Variants in PTGER4 observed in about 807,000 individuals in gnomAD.
PTGER4 encodes the protein prostaglandin E receptor 4.
PTGER4 carries 11 observed loss-of-function variants against 33.2 expected under a neutral mutation model. The observed-to-expected ratio is 0.33, with a 90% confidence interval of 0.21 to 0.55. The LOEUF (loss-of-function observed/expected upper bound fraction) is 0.55. Among genes scored for constraint, PTGER4 ranks in the 20% least tolerant of loss-of-function variants. The pLI, the probability that PTGER4 is intolerant of heterozygous loss-of-function variation, is 0.92. For synonymous variants in PTGER4, 275 were observed against 281.5 expected, an observed-to-expected ratio of 0.98 and a Z score of 0.23; for missense variants, 481 against 650.2, an observed-to-expected ratio of 0.74 and a Z score of 2.83.
the PTGER4 span, among the ~76,000 whole-genome samples, chr5:40,705,508 C>A: frequency 6.6e-6 from 1 of 152,092 alleles, no homozygotes; most frequent in Non-Finnish European, 1.5e-5. Context: ...TTCTGCACAG[C>A]AAAAGAAACT....
the PTGER4 span, among the ~76,000 whole-genome samples, chr5:40,707,647 C>A: frequency 6.6e-6 from 1 of 152,090 alleles, no homozygotes; most frequent in Non-Finnish European, 1.5e-5. Context: ...ACAAGGATAT[C>A]CAGGAATTGA....
the PTGER4 span, among the ~76,000 whole-genome samples, chr5:40,744,472 T>C: frequency 6.3e-5 from 9 of 143,392 alleles, no homozygotes; most frequent in Admixed American, 5.8e-4. Context: ...AGAAATCTTA[T>C]CACCACTCTT....
chr5:40,701,871 C>T, the PTGER4 span, among the ~76,000 whole-genome samples: 1 of 152,100 alleles, frequency 6.6e-6, no homozygotes, highest in Non-Finnish European at 1.5e-5. Context: ...GATTGGGGGC[C>T]TATGTTCAAC....
At chr5:40,725,678 C>CT in the PTGER4 span, among the ~76,000 whole-genome samples, 1 of 151,942 alleles carries the variant, frequency 6.6e-6, no homozygotes, top group African/African-American at 2.4e-5. Context: ...TCCCAGTCTC[C>CT]TTCCCTCTCT....
chr5:40,716,340 T>C, the PTGER4 span: 1 of 1,614,212 alleles, frequency 6.2e-7, no homozygotes, highest in Non-Finnish European at 8.5e-7. Context: ...GAATTGACTT[T>C]GGTGAAAAGT....
chr5:40,745,493 A>G, the PTGER4 span, among the ~76,000 whole-genome samples: 1 of 151,864 alleles, frequency 6.6e-6, no homozygotes. Flanking sequence ...AGAATTGTTG[A>G]GTCTAGATAG....
the PTGER4 span, among the ~76,000 whole-genome samples, chr5:40,733,506 C>T: frequency 2.0e-5 from 3 of 152,258 alleles, no homozygotes; most frequent in East Asian, 5.8e-4. Flanking sequence ...CTTGGCCCAA[C>T]CACTGTTAAA....
At chr5:40,697,760 G>A (rs1741648352), downstream of PTGER4, among the ~76,000 whole-genome samples, 4 of 151,558 alleles carry the variant, frequency 2.6e-5, no homozygotes, top group Admixed American at 2.6e-4. Context: ...AACAAAGAGA[G>A]GTGGAAAAAA....
the PTGER4 span, among the ~76,000 whole-genome samples, chr5:40,706,820 C>T: frequency 6.6e-6 from 1 of 152,210 alleles, no homozygotes; most frequent in Admixed American, 6.5e-5. Context: ...ATCAGACTCA[C>T]AGCTGATCTC....
the PTGER4 span, among the ~76,000 whole-genome samples, chr5:40,738,528 AC>A: frequency 1.1e-4 from 15 of 133,908 alleles, no homozygotes; most frequent in South Asian, 2.7e-4. Context: ...AAAATAAAAT[AC>A]AATAAAATAC....
At position 40,692,290 on chromosome 5, in the gene PTGER4, G is replaced by A. The variant is rs2111815364; in HGVS notation, c.1379G>A (p.Ser460Asn). Reference protein sequence around the residue: ...SVLLVDEAGGSGRAGPAPKGS... With the variant: ...SVLLVDEAGGNGRAGPAPKGS... Reference sequence around the variant, plus strand: ...TTACTGGTGGATGAGGCTGGTGGGAGCGGCAGGGCTGGGCCTGCCCCTAAG... The same window carrying A: ...TTACTGGTGGATGAGGCTGGTGGGAACGGCAGGGCTGGGCCTGCCCCTAAG... The change falls in exon 3 of 3, where the codon AGC becomes AAC. Residue 460 changes from serine (S) to asparagine (N), a missense_variant. Transcript: ENST00000302472. The A allele has an allele frequency of 1.2e-6, 2 of 1,613,550 alleles. No individual in the cohort carries two copies. The highest frequency in any genetic ancestry group is 1.7e-6 in the Non-Finnish European group (2 of 1,179,882).
downstream of PTGER4, among the ~76,000 whole-genome samples, chr5:40,697,906 C>G (rs1741650658): frequency 6.6e-6 from 1 of 151,602 alleles, no homozygotes; most frequent in Non-Finnish European, 1.5e-5. Flanking sequence ...GACAGGATTG[C>G]TTGCACAAAC....
chr5:40,715,979 C>T, the PTGER4 span: 1 of 532,884 alleles, frequency 1.9e-6, no homozygotes. Context: ...AAGCATATTC[C>T]AAACACTATA....
At chr5:40,731,197 G>C in the PTGER4 span, among the ~76,000 whole-genome samples, 58 of 152,108 alleles carry the variant, frequency 3.8e-4, no homozygotes, top group Non-Finnish European at 7.5e-4. Context: ...AATTCTGCAA[G>C]ACTTAATAGT....
rs750361015 is a variant in PTGER4 at position 40,691,979 on chromosome 5, G to A, written c.1068G>A (p.Arg356=). The change falls in exon 3 of 3, where the codon AGG becomes AGA. Residue 356 remains arginine, a synonymous_variant. Transcript: ENST00000302472. This position sits in a 1 kb window ranked among gnomAD's most constrained non-coding sequence, Gnocchi z 4.2. ...CLFCRIGGSR[R]ERSGQHCSDS... is the part of the protein sequence containing the mutation. The stretch of plus-strand genomic sequence containing the variant: ...TCTGCCGCATTGGCGGGTCCCGCAG[G>A]GAGCGCTCCGGACAGCACTGCTCAG... 15 of 1,614,004 alleles carry A rather than the reference G, an allele frequency of 9.3e-6. No individual in the cohort carries two copies. The Admixed American group carries it at 2.5e-4, about 27-fold the overall frequency.
At chr5:40,735,991 G>A in the PTGER4 span, among the ~76,000 whole-genome samples, 1 of 152,192 alleles carries the variant, frequency 6.6e-6, no homozygotes, top group Non-Finnish European at 1.5e-5. Flanking sequence ...CTTTTTAAAT[G>A]GATGTTATCA....
chr5:40,706,880 T>C, the PTGER4 span, among the ~76,000 whole-genome samples: 4 of 152,172 alleles, frequency 2.6e-5, no homozygotes, highest in Non-Finnish European at 5.9e-5. Context: ...ATATTCAACA[T>C]TCTTAAAGAA....
rs117376709 is a variant in PTGER4, at chr5:40,690,132, G to C, written c.868-1647G>C. 1.1e-3 allele frequency among the ~76,000 whole-genome samples: 164 copies of C among 152,204 alleles called. 1 individual carries two copies. In the East Asian group the frequency reaches 0.026, roughly 25 times the overall value. On this transcript the variant is annotated intron_variant, in intron 2 of 2. Coordinates refer to ENST00000302472, the MANE Select transcript of PTGER4 (RefSeq NM_000958.3). ...CAGCGGGCAGATCACTTGAGCTCAAGAGTTAGAGACCAGCCTGGGCAACAT... is the reference window on the plus strand; with the variant it reads ...CAGCGGGCAGATCACTTGAGCTCAACAGTTAGAGACCAGCCTGGGCAACAT...
chr5:40,695,477 CG>C (rs1741568545), downstream of PTGER4, among the ~76,000 whole-genome samples: 1 of 152,014 alleles, frequency 6.6e-6, no homozygotes. Context: ...ACCCGGGAGG[CG>C]GGGGTTGCAG....
Sources: allele counts gnomAD v4.1 joint callset (sites outside exome capture counted in the v4.1 genomes callset), GRCh38; gene constraint gnomAD v4.1.1; non-coding constraint Gnocchi (gnomAD v3.1); transcripts MANE v1.5; gene names NCBI Gene and HGNC (gene_info 2026-07-23, HGNC 2026-07-21).